Variants in CDKL1 observed in about 807,000 individuals in gnomAD.
The protein encoded by CDKL1 is cyclin-dependent kinase-like 1.
Under a neutral mutation model 42.0 loss-of-function variants are expected in CDKL1, and 41 were observed. The observed-to-expected ratio is 0.98, with a 90% CI of 0.76 to 1.27. The LOEUF is 1.27. Among genes scored for constraint, CDKL1 ranks in the 50% most tolerant of loss-of-function variants. The pLI, the probability that CDKL1 is intolerant of heterozygous loss-of-function variation, is 0.00. For missense variants in CDKL1, 394 were observed against 428.4 expected, an observed-to-expected ratio of 0.92 and a Z score of 0.71; for synonymous variants, 153 against 158.6, an observed-to-expected ratio of 0.96 and a Z score of 0.26.
chr14:50,382,958 C>T (rs1259824240), intron 2 of CDKL1, among the ~76,000 whole-genome samples: 3 of 150,984 alleles, frequency 2.0e-5, no homozygotes, highest in African/African-American at 7.3e-5. Flanking sequence ...GACGGAGTCT[C>T]GCTCTGTTGC....
intron 3 of CDKL1, among the ~76,000 whole-genome samples, chr14:50,350,630 C>G (rs1465525610): frequency 1.3e-5 from 2 of 152,184 alleles, no homozygotes; most frequent in African/African-American, 4.8e-5. Context: ...TTTGGACTCC[C>G]AGCCAGCTGG....
chr14:50,388,124 C>T (rs568370896), intron 2 of CDKL1, among the ~76,000 whole-genome samples: 1 of 152,258 alleles, frequency 6.6e-6, no homozygotes, highest in East Asian at 1.9e-4. Flanking sequence ...CTCCTGACCT[C>T]GTGATCCACC....
At chr14:50,366,105 ATCCTATTGGTTCTGTCCC>A (rs1344263220) in intron 2 of CDKL1, among the ~76,000 whole-genome samples, 1 of 152,152 alleles carries the variant, frequency 6.6e-6, no homozygotes, top group Non-Finnish European at 1.5e-5. Context: ...ATATACATCT[ATCCTATTGGTTCTGTCCC>A]TCTAGAGAAC....
chr14:50,366,753 G>A (rs1421557914), intron 2 of CDKL1, among the ~76,000 whole-genome samples: 2 of 151,100 alleles, frequency 1.3e-5, no homozygotes, highest in Non-Finnish European at 2.9e-5. Context: ...CTGGAGGTGA[G>A]GGACAGGGGA....
At chr14:50,345,537 T>G (rs1043494856) in intron 3 of CDKL1, among the ~76,000 whole-genome samples, 9 of 152,206 alleles carry the variant, frequency 5.9e-5, no homozygotes, top group Non-Finnish European at 1.0e-4. Context: ...CAGAGCAGCA[T>G]TGCTGTTGTT....
intron 2 of CDKL1, among the ~76,000 whole-genome samples, chr14:50,388,486 T>C (rs2035152451): frequency 6.6e-6 from 1 of 152,188 alleles, no homozygotes; most frequent in African/African-American, 2.4e-5. Flanking sequence ...CTTGGGGGAC[T>C]GTGTGAAGAG....
chr14:50,390,060 A>G, intron 2 of CDKL1: 12 of 801,860 alleles, frequency 1.5e-5, no homozygotes, highest in Non-Finnish European at 2.4e-5. Flanking sequence ...TTATTAGTGT[A>G]ATTTGTGCAT....
At chr14:50,334,530 G>A (rs367644400) in intron 8 of CDKL1, 35 bp downstream of exon 8, 4 of 1,219,882 alleles carry the variant, frequency 3.3e-6, no homozygotes, top group East Asian at 2.3e-5. Flanking sequence ...CAACTGCTGT[G>A]TGCTTCCTGG....
rs1479177215 is a variant in CDKL1 at position 50,328,654 on chromosome 14, A to C, written c.*1420T>G. 1 of 152,174 alleles carries C rather than the reference A, an allele frequency of 6.6e-6. No individual in the cohort carries two copies. The highest frequency in any genetic ancestry group is 1.5e-5 in the Non-Finnish European group (1 of 68,030). 9.4% of individuals were successfully genotyped at this position (152,174 alleles called of 1,614,324 possible). A position where few individuals can be genotyped will look rare whatever the true frequency, so the allele number is the denominator to read the frequency against. ...CCTTGTGTCCAGGGGACAAGGATGA[A>C]AAAGCTTTTTGATTAAGAGCAGTAG... is the stretch of plus-strand genomic sequence containing the variant. On this transcript the variant is annotated 3_prime_UTR_variant, in exon 10 of 10. Coordinates refer to ENST00000395834, the MANE Select transcript of CDKL1 (RefSeq NM_004196.7).
In CDKL1 at chr14:50,370,837, A is replaced by C. The variant is rs74343408; in HGVS notation, c.169-11688T>G. Among the ~76,000 whole-genome samples the C allele has an allele frequency of 3.9e-4, 59 of 152,304 alleles. No individual in the cohort carries two copies. In the East Asian group the frequency reaches 5.0e-3, roughly 13 times the overall value. On this transcript the variant is annotated intron_variant, in intron 2 of 9. Coordinates refer to ENST00000395834, the MANE Select transcript of CDKL1 (RefSeq NM_004196.7). The stretch of plus-strand genomic sequence containing the variant: ...ACGAGAACTCACTATCACGAAGACA[A>C]CACCAAGTAATGAGGGATCTGCCCC...
At chr14:50,345,665 C>A (rs750882484) in intron 3 of CDKL1, among the ~76,000 whole-genome samples, 11 of 152,212 alleles carry the variant, frequency 7.2e-5, no homozygotes, top group Non-Finnish European at 1.6e-4. Flanking sequence ...TTGATGCAGT[C>A]TCTCTTGCTC....
chr14:50,355,782 G>A (rs577444336), intron 3 of CDKL1, among the ~76,000 whole-genome samples: 39 of 152,348 alleles, frequency 2.6e-4, no homozygotes, highest in African/African-American at 7.9e-4. Flanking sequence ...AGGAAGGACA[G>A]CAGGAGTCTT....
intron 2 of CDKL1, among the ~76,000 whole-genome samples, chr14:50,367,190 G>A (rs1237812937): frequency 6.6e-6 from 1 of 152,214 alleles, no homozygotes; most frequent in African/African-American, 2.4e-5. Context: ...ATCATGGGAG[G>A]AGGAAGTGGT....
At chr14:50,330,392 T>A in intron 9 of CDKL1, 1 of 507,982 alleles carries the variant, frequency 2.0e-6, no homozygotes, top group Non-Finnish European at 3.3e-6. Context: ...ACATTCACAT[T>A]AAAGAAGATT....
rs1441917497 is a variant in CDKL1 at position 50,353,122 on chromosome 14, G to A, written c.290+5906C>T. Among the ~76,000 whole-genome samples the A allele has an allele frequency of 2.6e-5, 4 of 152,228 alleles. No individual in the cohort carries two copies. The East Asian group carries it at 5.8e-4, about 22-fold the overall frequency. On this transcript the variant is annotated intron_variant, in intron 3 of 9. Transcript: ENST00000395834. ...GTCTAAGGTTGCTTTACATACCTCCGCCCTGATGCATTATGTGTTCGTTTC... is the reference window on the plus strand; with the variant it reads ...GTCTAAGGTTGCTTTACATACCTCCACCCTGATGCATTATGTGTTCGTTTC...
At position 50,359,010 on chromosome 14, in the gene CDKL1, A is replaced by G; in HGVS notation, c.290+18T>C. ...CCCAGTGTGTCTTTGTTTTGCTTGT[A>G]AGGGATGGATCACTCACCCTCTTTG... On this transcript the variant is annotated intron_variant, in intron 3 of 9. Coordinates refer to ENST00000395834, the MANE Select transcript of CDKL1 (RefSeq NM_004196.7). 1 of 1,601,870 alleles carries G rather than the reference A, an allele frequency of 6.2e-7. No individual in the cohort carries two copies. The highest frequency in any genetic ancestry group is 8.5e-7 in the Non-Finnish European group (1 of 1,172,540).
chr14:50,328,910 A>G lies in CDKL1; in HGVS notation c.*1164T>C, dbSNP rs1305246442. 8.1e-6 allele frequency: 1 copy of G among 123,184 alleles called. No individual in the cohort carries two copies. Among genetic ancestry groups the G allele is most frequent in the African/African-American group, 3.1e-5 (1 of 32,464 alleles). The allele number at this position is 123,184 out of a possible 1,614,324, so 7.6% of individuals were successfully genotyped here. A position where few individuals can be genotyped will look rare whatever the true frequency, so the allele number is the denominator to read the frequency against. ...GGGAGGCTGAGGTGGCAGGTTTTAT[A>G]TATATATATAAAAAACACATATATA... On this transcript the variant is annotated 3_prime_UTR_variant, in exon 10 of 10. Transcript: ENST00000395834.
intron 4 of CDKL1, chr14:50,342,865 TC>T: frequency 8.0e-7 from 1 of 1,249,696 alleles, no homozygotes; most frequent in Non-Finnish European, 1.0e-6. Context: ...GCTCTGACAT[TC>T]ATCCGGACAA....
intron 2 of CDKL1, among the ~76,000 whole-genome samples, chr14:50,370,327 C>T (rs2034556380): frequency 6.6e-5 from 10 of 152,192 alleles, no homozygotes; most frequent in Admixed American, 6.5e-4. Flanking sequence ...CCTCAGCTTC[C>T]CACAGTGCTA....
Sources: gnomAD v4.1 joint callset for allele counts (sites outside exome capture counted in the v4.1 genomes callset) on GRCh38, gnomAD v4.1.1 for gene constraint, MANE v1.5 for transcripts, NCBI Gene and HGNC (gene_info 2026-07-23, HGNC 2026-07-21) for gene names.